The following ARHGAP20 variants were observed in gnomAD, a reference collection of about 807,000 sequenced individuals.
ARHGAP20 encodes the protein rho GTPase-activating protein 20.
In ARHGAP20, 34 loss-of-function variants were observed where a neutral mutation model predicts 73.7. The observed-to-expected ratio is 0.46, with a 90% CI of 0.35 to 0.61. The LOEUF is 0.61. Ranked by LOEUF, ARHGAP20 falls within the 20% of genes least tolerant of loss-of-function variation. ARHGAP20 has a pLI of 0.00. For missense variants in ARHGAP20, 1,314 were observed against 1,420.9 expected, an observed-to-expected ratio of 0.92 and a Z score of 1.21; for synonymous variants, 523 against 518.2, an observed-to-expected ratio of 1.01 and a Z score of -0.13.
chr11:110,701,024 A>T (rs1450399795), intron 1 of ARHGAP20, among the ~76,000 whole-genome samples: 1 of 149,552 alleles, frequency 6.7e-6, no homozygotes, highest in African/African-American at 2.5e-5. Flanking sequence ...AGTCTTTGCT[A>T]TTGTGAATAA....
At chr11:110,629,525 C>T (rs541294508) in intron 3 of ARHGAP20, among the ~76,000 whole-genome samples, 1 of 149,094 alleles carries the variant, frequency 6.7e-6, no homozygotes, top group Non-Finnish European at 1.5e-5. Flanking sequence ...GCTGGAGAAA[C>T]TTATTCGTTC....
At position 110,578,967 on chromosome 11, in the gene ARHGAP20, A is replaced by G. The variant is rs1324429983; in HGVS notation, c.*403T>C. ...ATTAAAAACATTCCATGGAATGTAG[A>G]TGGTTTCTCTGTACCCTTCCCCTCT... On this transcript the variant is annotated 3_prime_UTR_variant, in exon 15 of 15. Transcript: ENST00000683387. The G allele has an allele frequency of 2.0e-6, 2 of 988,464 alleles. No homozygotes were observed. The highest frequency in any genetic ancestry group is 2.4e-6 in the Non-Finnish European group (2 of 831,924). The allele number at this position is 988,464 out of a possible 1,614,324, so 61.2% of individuals were successfully genotyped here.
At chr11:110,607,788 C>T (rs1203979569) in intron 8 of ARHGAP20, among the ~76,000 whole-genome samples, 3 of 152,182 alleles carry the variant, frequency 2.0e-5, no homozygotes, top group African/African-American at 7.2e-5. Flanking sequence ...TTAAGCATTG[C>T]TGCTAAATCA....
chr11:110,645,273 G>T (rs988105249), intron 2 of ARHGAP20, among the ~76,000 whole-genome samples: 2 of 152,114 alleles, frequency 1.3e-5, no homozygotes, highest in African/African-American at 4.8e-5. Flanking sequence ...CCTCCCAACA[G>T]TGCTGGGATT....
intron 1 of ARHGAP20, among the ~76,000 whole-genome samples, chr11:110,704,901 G>C (rs1318755221): frequency 6.6e-6 from 1 of 152,148 alleles, no homozygotes; most frequent in Non-Finnish European, 1.5e-5. Context: ...TGAGGGGTAT[G>C]AGTAATAAAA....
At position 110,580,047 on chromosome 11, in the gene ARHGAP20, T is replaced by TAAAC; in HGVS notation, c.2895_2898dup (p.Thr967ValfsTer5). The TAAAC allele has an allele frequency of 6.2e-7, 1 of 1,614,162 alleles. No individual in the cohort carries two copies. ...ATTGGAGAGGAAGTCTCAGTGGGTGTAAACACAGAGTGTTCAGAAATCTGA... is the reference window on the plus strand; with the variant it reads ...ATTGGAGAGGAAGTCTCAGTGGGTGTAAACAAACACAGAGTGTTCAGAAATCTGA... On this transcript the variant is annotated frameshift_variant, in exon 15 of 15. Transcript: ENST00000683387. LOFTEE classifies it low-confidence loss of function (END_TRUNC).
chr11:110,613,633 A>T (rs1372056066), intron 6 of ARHGAP20, among the ~76,000 whole-genome samples: 1 of 152,150 alleles, frequency 6.6e-6, no homozygotes, highest in Non-Finnish European at 1.5e-5. Context: ...ACTGAATCAA[A>T]GCAGACAGAA....
chr11:110,584,780 G>C (rs1306184594), intron 12 of ARHGAP20, among the ~76,000 whole-genome samples: 2 of 151,814 alleles, frequency 1.3e-5, no homozygotes, highest in South Asian at 4.2e-4. Flanking sequence ...CTGCATCCCT[G>C]CCCTGATAGA....
At chr11:110,674,282 A>G (rs115847042) in intron 2 of ARHGAP20, among the ~76,000 whole-genome samples, 1,577 of 152,298 alleles carry the variant, frequency 0.01, 22 homozygotes, top group African/African-American at 0.033. Context: ...TAAAATGAAA[A>G]AGCCATTCAA....
chr11:110,607,876 A>G (rs1948269898), intron 8 of ARHGAP20, among the ~76,000 whole-genome samples: 2 of 152,208 alleles, frequency 1.3e-5, no homozygotes, highest in African/African-American at 4.8e-5. Flanking sequence ...TAAGCCTAAA[A>G]GTTACCATCT....
At chr11:110,691,599 T>C (rs905731914) in intron 1 of ARHGAP20, among the ~76,000 whole-genome samples, 1 of 152,176 alleles carries the variant, frequency 6.6e-6, no homozygotes, top group Non-Finnish European at 1.5e-5. Context: ...CATAAAGGAA[T>C]TGCTTGTAGT....
chr11:110,683,730 T>A (rs1435668784), intron 2 of ARHGAP20, among the ~76,000 whole-genome samples: 4 of 152,180 alleles, frequency 2.6e-5, no homozygotes, highest in African/African-American at 9.7e-5. Context: ...CTATTATGAC[T>A]CCTATTTCAC....
intron 9 of ARHGAP20, among the ~76,000 whole-genome samples, chr11:110,600,698 ATATAACAGTAACAGTAACC>A (rs1948088266): frequency 6.6e-6 from 1 of 152,134 alleles, no homozygotes; most frequent in Admixed American, 6.5e-5. Context: ...TAACAGTAAC[ATATAACAGTAACAGTAACC>A]TGTAACAGTA....
intron 2 of ARHGAP20, among the ~76,000 whole-genome samples, chr11:110,681,750 C>T (rs1407568586): frequency 6.6e-6 from 1 of 152,158 alleles, no homozygotes; most frequent in East Asian, 1.9e-4. Flanking sequence ...TCATGCACAA[C>T]AGGAGTGAAT....
intron 9 of ARHGAP20, among the ~76,000 whole-genome samples, chr11:110,603,516 CGTTAAAA>C (rs1565433191): frequency 3.3e-5 from 5 of 152,036 alleles, no homozygotes. Context: ...CTTCTTGTGC[CGTTAAAA>C]GTTAAAACAA....
intron 2 of ARHGAP20, among the ~76,000 whole-genome samples, chr11:110,674,197 G>C (rs1235465548): frequency 6.6e-6 from 1 of 152,082 alleles, no homozygotes; most frequent in East Asian, 1.9e-4. Flanking sequence ...GCCTCCCAAA[G>C]TGCTGGGATT....
At chr11:110,667,608 C>G (rs1041241014) in intron 2 of ARHGAP20, among the ~76,000 whole-genome samples, 3 of 152,130 alleles carry the variant, frequency 2.0e-5, no homozygotes, top group Non-Finnish European at 2.9e-5. Flanking sequence ...ATAATTTTGA[C>G]TTTCAAGTCT....
intron 1 of ARHGAP20, among the ~76,000 whole-genome samples, chr11:110,707,542 A>G (rs1282644408): frequency 2.0e-5 from 3 of 152,130 alleles, no homozygotes; most frequent in Non-Finnish European, 4.4e-5. Context: ...CTGACTAGTG[A>G]GTAAAAGTGA....
chr11:110,681,049 G>A (rs78823774), intron 2 of ARHGAP20, among the ~76,000 whole-genome samples: 3,068 of 152,088 alleles, frequency 0.02, 102 homozygotes, highest in African/African-American at 0.068. Flanking sequence ...TTTCTACTTT[G>A]GTGTTCGCAT....
Sources: gnomAD v4.1 joint callset for allele counts (sites outside exome capture counted in the v4.1 genomes callset) on GRCh38, gnomAD v4.1.1 for gene constraint, MANE v1.5 for transcripts, NCBI Gene and HGNC (gene_info 2026-07-23, HGNC 2026-07-21) for gene names.